Variants in CES5A observed in about 807,000 individuals in gnomAD.
CES5A encodes carboxylesterase 5A.
A neutral mutation model predicts 62.9 loss-of-function variants in CES5A; 67 were observed. The observed-to-expected ratio is 1.07, with a 90% CI of 0.88 to 1.31. CES5A has a LOEUF of 1.31. Ranked by LOEUF, CES5A falls within the 50% of genes most tolerant of loss-of-function variation. CES5A has a pLI of 0.00. For missense variants in CES5A, 748 were observed against 708.5 expected, an observed-to-expected ratio of 1.06 and a Z score of -0.63; for synonymous variants, 296 against 280.8, an observed-to-expected ratio of 1.05 and a Z score of -0.54.
At chr16:55,850,795 C>T (rs866920339) in intron 10 of CES5A, among the ~76,000 whole-genome samples, 27 of 152,082 alleles carry the variant, frequency 1.8e-4, no homozygotes, top group Middle Eastern at 3.2e-3. Context: ...TTTTGAGGAA[C>T]GGCCACAACT....
At chr16:55,911,021 G>A (rs1597146411) in intron 1 of CES5A, among the ~76,000 whole-genome samples, 2 of 152,274 alleles carry the variant, frequency 1.3e-5, no homozygotes, top group Admixed American at 1.3e-4. Context: ...TCCACACTGT[G>A]GCTGCTTTTC....
chr16:55,872,049 T>C (rs190467099), intron 2 of CES5A, among the ~76,000 whole-genome samples: 1 of 152,272 alleles, frequency 6.6e-6, no homozygotes, highest in Non-Finnish European at 1.5e-5. Flanking sequence ...CACCCTCCTA[T>C]GCCACCACCA....
chr16:55,892,860 A>G (rs1357568596), intron 1 of CES5A, among the ~76,000 whole-genome samples: 2 of 152,224 alleles, frequency 1.3e-5, no homozygotes, highest in East Asian at 1.9e-4. Flanking sequence ...AGATAAATAT[A>G]TATGAGTGCA....
intron 11 of CES5A, 91 bp from the exon 12 acceptor site, chr16:55,846,931 T>TATGATGCAAGTATCAAAACTAG (rs2033025732): frequency 9.8e-7 from 1 of 1,017,024 alleles, no homozygotes; most frequent in African/African-American, 1.6e-5. Context: ...TTCACACCCC[T>TATGATGCAAGTATCAAAACTAG]CCTCCCACTG....
chr16:55,859,707 A>T lies in CES5A; in HGVS notation c.916-20T>A. 1 of 1,593,308 alleles carries T rather than the reference A, an allele frequency of 6.3e-7. No individual in the cohort carries two copies. ...TGTTTTCTGTAATAAGGAAGAAAAAAAAATCATCAGCTATCATCAGCTATT... is the reference window on the plus strand; with the variant it reads ...TGTTTTCTGTAATAAGGAAGAAAAATAAATCATCAGCTATCATCAGCTATT... On this transcript the variant is annotated intron_variant, in intron 7 of 12. Coordinates refer to ENST00000290567, the MANE Select transcript of CES5A (RefSeq NM_001143685.2).
chr16:55,929,960 CT>C (rs569556908), upstream of CES5A, among the ~76,000 whole-genome samples: 100 of 151,480 alleles, frequency 6.6e-4, no homozygotes, highest in Middle Eastern at 0.01. Flanking sequence ...TTGTGGCCCC[CT>C]CACCACCTTC....
rs1334425939 is a variant in CES5A, at chr16:55,949,876, C to T, written c.69G>A (p.Trp23Ter). ...AAAAATAGTAAACCAGGCACAATCT[C>T]CACATTCCCCTTCTTATCCTAAACT... The change falls in exon 2 of 14, where the codon TGG becomes TGA. Residue 23 changes from tryptophan (W) to a stop codon, truncating the protein, a stop_gained. Coordinates refer to the CES5A transcript ENST00000521992. LOFTEE classifies it high-confidence loss of function. 2 of 1,515,434 alleles carry T rather than the reference C, an allele frequency of 1.3e-6. No homozygotes were observed. Among genetic ancestry groups the T allele is most frequent in the Non-Finnish European group, 1.8e-6 (2 of 1,134,570 alleles). The allele number at this position is 1,515,434 out of a possible 1,614,324, so 93.9% of individuals were successfully genotyped here.
intron 10 of CES5A, among the ~76,000 whole-genome samples, chr16:55,852,674 G>T (rs1385407983): frequency 8.5e-5 from 13 of 152,198 alleles, no homozygotes; most frequent in African/African-American, 2.9e-4. Flanking sequence ...GGAAGAAACA[G>T]AAACAACTGA....
chr16:55,911,814 A>G (rs543550593), intron 1 of CES5A, among the ~76,000 whole-genome samples: 1 of 152,158 alleles, frequency 6.6e-6, no homozygotes, highest in Admixed American at 6.5e-5. Flanking sequence ...CTGGCCACTG[A>G]CCTGCTGCTT....
upstream of CES5A, among the ~76,000 whole-genome samples, chr16:55,879,346 GTAC>G (rs1322938522): frequency 6.6e-6 from 1 of 150,908 alleles, no homozygotes; most frequent in Non-Finnish European, 1.5e-5. Flanking sequence ...CCCCACCATT[GTAC>G]TACATCACTG....
chr16:55,857,406 A>G (rs138125921), intron 8 of CES5A, among the ~76,000 whole-genome samples: 230 of 152,298 alleles, frequency 1.5e-3, no homozygotes, highest in Middle Eastern at 3.4e-3. Flanking sequence ...GGCAGCAGAA[A>G]CGCTATCCAC....
At chr16:55,911,935 G>T (rs2034097716) in intron 1 of CES5A, among the ~76,000 whole-genome samples, 1 of 152,182 alleles carries the variant, frequency 6.6e-6, no homozygotes, top group Non-Finnish European at 1.5e-5. Flanking sequence ...TGGTCTAGTT[G>T]AATTCAGAGC....
rs559375800 is a variant in CES5A, at chr16:55,941,407, A to G, written c.160+8378T>C. The stretch of plus-strand genomic sequence containing the variant: ...ACAATACCCCTCCAAAAAGTGAAAT[A>G]CATATATAAGACCTGTATGCTGAAA... On this transcript the variant is annotated intron_variant, in intron 2 of 13. Coordinates refer to the CES5A transcript ENST00000521992. Among the ~76,000 whole-genome samples the G allele has an allele frequency of 2.2e-4, 33 of 152,214 alleles. No homozygotes were observed. In the East Asian group the frequency reaches 5.6e-3, roughly 26 times the overall value.
intron 5 of CES5A, 109 bp downstream of exon 5, chr16:55,865,854 T>C: frequency 1.6e-6 from 2 of 1,241,990 alleles, no homozygotes; most frequent in Admixed American, 3.6e-5. Context: ...ACAATGTGTA[T>C]TAAAGGGTTT....
intron 9 of CES5A, among the ~76,000 whole-genome samples, chr16:55,854,570 C>G (rs2033202380): frequency 7.3e-5 from 1 of 13,620 alleles, no homozygotes; most frequent in Admixed American, 1.0e-3. Context: ...GACAGAGTCT[C>G]TCGCTCTGTT....
At chr16:55,858,446 T>G (rs2033287053) in intron 8 of CES5A, among the ~76,000 whole-genome samples, 1 of 152,214 alleles carries the variant, frequency 6.6e-6, no homozygotes, top group Non-Finnish European at 1.5e-5. Context: ...CACTAGCACC[T>G]GCCTTCTTCT....
At chr16:55,881,726 G>A (rs2033764069) in intron 1 of CES5A, among the ~76,000 whole-genome samples, 1 of 152,176 alleles carries the variant, frequency 6.6e-6, no homozygotes, top group Admixed American at 6.5e-5. Context: ...AGTGACAGAG[G>A]ATCCCTTCAC....
chr16:55,915,065 C>A (rs2034133340), intron 1 of CES5A, among the ~76,000 whole-genome samples: 4 of 151,938 alleles, frequency 2.6e-5, no homozygotes, highest in Non-Finnish European at 5.9e-5. Context: ...TTCCCCAGTC[C>A]CATTGTGCAT....
chr16:55,905,363 A>C (rs1265763256), intron 1 of CES5A, among the ~76,000 whole-genome samples: 1 of 145,446 alleles, frequency 6.9e-6, no homozygotes, highest in Non-Finnish European at 1.5e-5. Context: ...GAATATCTTT[A>C]AATCTGACTT....
Sources: gnomAD v4.1 joint callset for allele counts (sites outside exome capture counted in the v4.1 genomes callset) on GRCh38, gnomAD v4.1.1 for gene constraint, MANE v1.5 for transcripts, NCBI Gene and HGNC (gene_info 2026-07-23, HGNC 2026-07-21) for gene names.